The following MAP4K2 variants were observed in gnomAD, a reference collection of about 807,000 sequenced individuals.
MAP4K2 encodes the protein mitogen-activated protein kinase kinase kinase kinase 2.
A neutral mutation model predicts 125.3 loss-of-function variants in MAP4K2; 85 were observed. The ratio of observed to expected loss-of-function variants is 0.68; its 90% CI spans 0.57 to 0.81. MAP4K2 has a LOEUF of 0.81. Among genes scored for constraint, MAP4K2 ranks in the 40% least tolerant of loss-of-function variants. The probability of loss-of-function intolerance (pLI) is 0.00; values close to 1 mark genes in which losing one functional copy is unlikely to be tolerated. For missense variants in MAP4K2, 923 were observed against 1,056.4 expected, an observed-to-expected ratio of 0.87 and a Z score of 1.75; for synonymous variants, 479 against 445.1, an observed-to-expected ratio of 1.08 and a Z score of -0.96.
chr11:64,790,993 G>A (rs976760885), intron 27 of MAP4K2, among the ~76,000 whole-genome samples: 9 of 152,126 alleles, frequency 5.9e-5, no homozygotes, highest in Admixed American at 3.3e-4. Flanking sequence ...AAACGTAGCC[G>A]GACGTGGTGG....
Position 64,796,999 on chromosome 11 carries a change from G to A in MAP4K2, c.1390C>T (p.Pro464Ser). The A allele has an allele frequency of 6.2e-7, 1 of 1,613,938 alleles. No homozygotes were observed. ...PERSSCHGLP[P>S]TPKVHMGACF... ...ACACTTACATGCACCTTGGGAGTTG[G>A]GGGGAGCCCGTGGCAGGATGACCTC... is the stretch of plus-strand genomic sequence containing the variant. Residue 464 changes from proline to serine, a missense_variant, in exon 20 of 32, where the codon CCA becomes TCA. Coordinates refer to ENST00000294066, the MANE Select transcript of MAP4K2 (RefSeq NM_004579.5).
chr11:64,801,704 G>A lies in MAP4K2; in HGVS notation c.414+6C>T, dbSNP rs1240579592. On this transcript the variant is annotated splice_donor_region_variant and intron_variant, in intron 6 of 31. Transcript: ENST00000294066. ...TCCCCAGGAGTGCCCCCAGCTAGGT[G>A]CCTACCTTGATGTCTCTGTGGATCT... is the stretch of plus-strand genomic sequence containing the variant. 2 of 1,613,928 alleles carry A rather than the reference G, an allele frequency of 1.2e-6. No homozygotes were observed. Among genetic ancestry groups the A allele is most frequent in the Admixed American group, 1.7e-5 (1 of 60,008 alleles).
chr11:64,803,202 CGCGGGGCGGCGCGGG>C (rs900141160), exon 1 of MAP4K2: 2 of 710,076 alleles, frequency 2.8e-6, no homozygotes, highest in Admixed American at 6.5e-5. Flanking sequence ...GCGGAGCCGG[CGCGGGGCGGCGCGGG>C]GCGGGGCGGG....
chr11:64,797,597 T>G (rs371718449), intron 16 of MAP4K2, 29 bp downstream of exon 16: 4 of 1,577,668 alleles, frequency 2.5e-6, no homozygotes, highest in Non-Finnish European at 2.6e-6. Context: ...ACCTGCCCCT[T>G]GCCCCTCCCC....
Position 64,800,318 on chromosome 11 carries a change from A to AG in MAP4K2, c.799dup (p.Leu267ProfsTer25). 6.2e-7 allele frequency: 1 copy of AG among 1,613,990 alleles called. No homozygotes were observed. Among genetic ancestry groups the AG allele is most frequent in the Non-Finnish European group, 8.5e-7 (1 of 1,180,010 alleles). ...CGGCCCCCTGCCTCCCACCTGCAGG[A>AG]GCTTCTCTGCTGTCGGCCTCTTCTT... On this transcript the variant is annotated frameshift_variant, in exon 11 of 32. Coordinates refer to ENST00000294066, the MANE Select transcript of MAP4K2 (RefSeq NM_004579.5). LOFTEE classifies it high-confidence loss of function.
At position 64,799,410 on chromosome 11, in the gene MAP4K2, T is replaced by G. The variant is rs1332555315; in HGVS notation, c.1053+11A>C. The G allele has an allele frequency of 4.3e-6, 7 of 1,612,368 alleles. No homozygotes were observed. In the South Asian group the frequency reaches 7.7e-5, roughly 18 times the overall value. On this transcript the variant is annotated intron_variant, in intron 14 of 31. Coordinates refer to ENST00000294066, the MANE Select transcript of MAP4K2 (RefSeq NM_004579.5). The stretch of plus-strand genomic sequence containing the variant: ...TGGGCACCACCTTCCCCTCAAGGCC[T>G]GCCCACTCACCGGCTCATTCAGTGG...
chr11:64,789,641 TA>T lies in MAP4K2; in HGVS notation c.2376-18del. 1.9e-6 allele frequency: 3 copies of T among 1,610,710 alleles called. No individual in the cohort carries two copies. Among genetic ancestry groups the T allele is most frequent in the Non-Finnish European group, 2.5e-6 (3 of 1,178,460 alleles). On this transcript the variant is annotated intron_variant, in intron 31 of 31. Transcript: ENST00000294066. ...ATGATGTCTCTGGAGGAGAGAGGAG[TA>T]GGGGGCAGGGCGGGAGACACTTGGT...
At chr11:64,802,144 G>A in intron 4 of MAP4K2, 23 bp from the exon 5 acceptor site, 1 of 1,609,490 alleles carries the variant, frequency 6.2e-7, no homozygotes, top group Non-Finnish European at 8.5e-7. Context: ...GGGAGAGGCT[G>A]GCTTGGGGGC....
At position 64,802,392 on chromosome 11, in the gene MAP4K2, T is replaced by C. The variant is rs1216682785; in HGVS notation, c.310+27A>G. ...GTAGGGGTGGGGGAAGGCTGGGGCCTGCTGGGGCCTGGAGCCCTGGCCTCA... is the reference window on the plus strand; with the variant it reads ...GTAGGGGTGGGGGAAGGCTGGGGCCCGCTGGGGCCTGGAGCCCTGGCCTCA... On this transcript the variant is annotated intron_variant, in intron 4 of 31. Transcript: ENST00000294066. The C allele has an allele frequency of 2.7e-6, 4 of 1,487,012 alleles. No homozygotes were observed. In the South Asian group the frequency reaches 5.5e-5, roughly 20 times the overall value. The allele number at this position is 1,487,012 out of a possible 1,614,324, so 92.1% of individuals were successfully genotyped here. A position where few individuals can be genotyped will look rare whatever the true frequency, so the allele number is the denominator to read the frequency against.
At chr11:64,797,254 C>A (rs1592593801) in intron 18 of MAP4K2, 21 bp downstream of exon 18, 1 of 1,598,466 alleles carries the variant, frequency 6.3e-7, no homozygotes, top group African/African-American at 1.3e-5. Flanking sequence ...TGCCTCCTGG[C>A]CTCCCAAGCC....
At chr11:64,799,577 A>G (rs1396851454) in intron 13 of MAP4K2, 28 bp downstream of exon 13, 2 of 707,632 alleles carry the variant, frequency 2.8e-6, no homozygotes, top group Admixed American at 3.5e-5. Flanking sequence ...CAAAATCTGC[A>G]CACACACAGC....
intron 5 of MAP4K2, 90 bp from the exon 6 acceptor site, chr11:64,801,847 G>C (rs1941196588): frequency 1.4e-6 from 2 of 1,386,940 alleles, no homozygotes; most frequent in African/African-American, 1.4e-5. Flanking sequence ...CCCCACTCAG[G>C]CTGCTTCTTC....
Position 64,800,364 on chromosome 11 carries a change from G to T in MAP4K2, c.754C>A (p.Leu252Met). The change falls in exon 11 of 32, where the codon CTG becomes ATG. Residue 252 changes from leucine (L) to methionine (M), a missense_variant. Physicochemically the swap from Leu to Met is conservative, Grantham distance 15. Around this residue, in one of 2 missense-constraint regions of MAP4K2, gnomAD observed 833 missense variants for 911.4 expected, o/e 0.91. Transcript: ENST00000294066. ...WTQNFHHFLK[L>M]ALTKNPKKRP... is the part of the protein sequence containing the mutation. ...TTCTTAGGATTCTTGGTCAGGGCCA[G>T]TTTGAGAAAGTGGTGGAAATTCTGG... The T allele has an allele frequency of 6.2e-7, 1 of 1,614,102 alleles. No homozygotes were observed.
At chr11:64,799,808 A>T (rs1565622605) in intron 12 of MAP4K2, 125 bp from the exon 13 acceptor site, 10 of 728,990 alleles carry the variant, frequency 1.4e-5, no homozygotes, top group Non-Finnish European at 2.3e-5. Context: ...ACTGTAAAAT[A>T]AAATGGAACC....
chr11:64,798,724 C>T, intron 15 of MAP4K2, 70 bp downstream of exon 15: 1 of 1,566,366 alleles, frequency 6.4e-7, no homozygotes, highest in South Asian at 1.1e-5. Context: ...CATGAGCCAC[C>T]ACGCCCGGTC....
At position 64,792,262 on chromosome 11, in the gene MAP4K2, G is replaced by A. The variant is rs756291113; in HGVS notation, c.1824C>T (p.Tyr608=). 24 of 1,610,672 alleles carry A rather than the reference G, an allele frequency of 1.5e-5. No individual in the cohort carries two copies. Among genetic ancestry groups the A allele is most frequent in the Non-Finnish European group, 1.9e-5 (22 of 1,179,080 alleles). ...CLQCRVVRNP[Y]TGATFLLAAL... ...CGGCCAGCAGGAAGGTGGCACCCGT[G>A]TAGGGGTTCCGCACTGGCAGGGGAG... The change falls in exon 26 of 32, where the codon TAC becomes TAT. Residue 608 remains tyrosine (Y), a synonymous_variant. Transcript: ENST00000294066.
chr11:64,785,431 A>T lies in MAP4K2; in HGVS notation c.*4106T>A, dbSNP rs1940181508. ...ACACACTAGAAGGCAGCAACTGCAA[A>T]GTGGCAATTCCAGAGTTCTGTGCAG... On this transcript the variant is annotated 3_prime_UTR_variant, in exon 32 of 32. Coordinates refer to ENST00000294066, the MANE Select transcript of MAP4K2 (RefSeq NM_004579.5). The T allele has an allele frequency of 6.6e-6, 1 of 152,216 alleles. No homozygotes were observed. Among genetic ancestry groups the T allele is most frequent in the Admixed American group, 6.6e-5 (1 of 15,240 alleles). 9.4% of individuals were successfully genotyped at this position (152,216 alleles called of 1,614,324 possible).
chr11:64,791,969 C>G lies in MAP4K2; in HGVS notation c.2032G>C (p.Val678Leu), dbSNP rs376125345. The G allele has an allele frequency of 6.2e-7, 1 of 1,605,102 alleles. No individual in the cohort carries two copies. The highest frequency in any genetic ancestry group is 8.5e-7 in the Non-Finnish European group (1 of 1,176,512). ...TCCAGGGGCAGGACATGGAACAGGA[C>G]GCGGCAGCCGGGCCCCTCAGGCCCC... ...AEGPEGPGCR[V>L]LFHVLPLEAG... Residue 678 changes from valine (V) to leucine (L), a missense_variant, in exon 27 of 32, where the codon GTC becomes CTC. Val to Leu is a conservative substitution (Grantham distance 32, BLOSUM62 1). This residue lies in a region of MAP4K2 where 833 missense variants were observed against 911.4 expected (regional missense o/e 0.91). Coordinates refer to ENST00000294066, the MANE Select transcript of MAP4K2 (RefSeq NM_004579.5).
chr11:64,792,085 T>C lies in MAP4K2; in HGVS notation c.1916A>G (p.Asn639Ser). The C allele has an allele frequency of 6.3e-7, 1 of 1,584,744 alleles. No individual in the cohort carries two copies. Among genetic ancestry groups the C allele is most frequent in the Non-Finnish European group, 8.6e-7 (1 of 1,165,460 alleles). The change falls in exon 27 of 32, where the codon AAC (asparagine) becomes AGC (serine). Residue 639 changes from asparagine (N) to serine (S), a missense_variant and splice_region_variant. Coordinates refer to ENST00000294066, the MANE Select transcript of MAP4K2 (RefSeq NM_004579.5). ...EPLQKFLLLK[N>S]FSSPLPSPAG... ...TGGGCTGGGCAGAGGGCTGGAGAAGTTCTAGGGGGCAGCAGGGATGCTCAG... is the reference window on the plus strand; with the variant it reads ...TGGGCTGGGCAGAGGGCTGGAGAAGCTCTAGGGGGCAGCAGGGATGCTCAG...
Sources: gnomAD v4.1 joint callset for allele counts (sites outside exome capture counted in the v4.1 genomes callset) on GRCh38, gnomAD v4.1.1 for gene constraint, gnomAD v4.1.1 regional missense constraint, MANE v1.5 for transcripts, NCBI Gene and HGNC (gene_info 2026-07-23, HGNC 2026-07-21) for gene names.